The following STAM variants were observed in gnomAD, a reference collection of about 807,000 sequenced individuals.
STAM encodes the protein signal transducing adaptor molecule, also known as signal transducing adapter molecule 1.
In STAM, 16 loss-of-function variants were observed where a neutral mutation model predicts 63.4. The observed-to-expected ratio is 0.25, with a 90% confidence interval of 0.17 to 0.38. STAM has a LOEUF of 0.38. STAM is among the 10% of genes least tolerant of loss of function. STAM has a pLI of 1.00. For synonymous variants in STAM, 238 were observed against 223.9 expected (o/e 1.06, Z -0.56); for missense variants, 636 against 657.1 (o/e 0.97, Z 0.35).
rs146718467 is a variant in STAM, at chr10:17,713,918, C to T, written c.1386-625C>T. Among the ~76,000 whole-genome samples the T allele has an allele frequency of 5.2e-3, 791 of 152,230 alleles. 9 individuals carry two copies. Among genetic ancestry groups the T allele is most frequent in the Non-Finnish European group, 7.9e-3 (534 of 68,016 alleles). The stretch of plus-strand genomic sequence containing the variant: ...GTGTGTTCTCCAGCCCCCTCCCCAC[C>T]ACCGCAGTCCTGCCGGTGATCTTAG... On this transcript the variant is annotated intron_variant, in intron 13 of 13. Transcript: ENST00000377524.
At chr10:17,698,009 T>A (rs1464949648) in intron 8 of STAM, among the ~76,000 whole-genome samples, 1 of 152,162 alleles carries the variant, frequency 6.6e-6, no homozygotes, top group Non-Finnish European at 1.5e-5. Flanking sequence ...ACATACTACA[T>A]ATTTATAGAA....
intron 5 of STAM, among the ~76,000 whole-genome samples, chr10:17,688,562 A>G (rs550563436): frequency 1.3e-5 from 2 of 152,150 alleles, no homozygotes; most frequent in Non-Finnish European, 2.9e-5. Flanking sequence ...TCCTGGGTTC[A>G]GGTGATTCTC....
chr10:17,710,562 TCTTC>T (rs1350864843), intron 13 of STAM, among the ~76,000 whole-genome samples: 1 of 152,258 alleles, frequency 6.6e-6, no homozygotes, highest in African/African-American at 2.4e-5. Flanking sequence ...TACTGGGACA[TCTTC>T]CTTGCTTTTC....
chr10:17,669,012 T>TA lies in STAM; in HGVS notation c.125+8465dup, dbSNP rs200766819. On this transcript the variant is annotated intron_variant, in intron 2 of 13. Transcript: ENST00000377524. ...TGCTAGATCATATGGTAAGACTGTT[T>TA]ATCTTTGTTAGAAGCCACCAGACTG... Among the ~76,000 whole-genome samples, 3 of 152,230 alleles carry TA rather than the reference T, an allele frequency of 2.0e-5. No homozygotes were observed. In the East Asian group the frequency reaches 5.8e-4, roughly 29 times the overall value.
At chr10:17,679,028 A>G (rs558120090) in intron 2 of STAM, among the ~76,000 whole-genome samples, 1 of 152,294 alleles carries the variant, frequency 6.6e-6, no homozygotes, top group East Asian at 1.9e-4. Flanking sequence ...TCGTTGATGG[A>G]CATTTGGCTG....
intron 2 of STAM, among the ~76,000 whole-genome samples, chr10:17,666,295 A>G (rs1055317534): frequency 2.0e-5 from 3 of 152,048 alleles, no homozygotes; most frequent in African/African-American, 7.2e-5. Flanking sequence ...AATGAGAAAG[A>G]TCATATGATA....
At position 17,688,016 on chromosome 10, in the gene STAM, C is replaced by A. The variant is rs1554826277; in HGVS notation, c.298-11C>A. On this transcript the variant is annotated splice_polypyrimidine_tract_variant and intron_variant, in intron 4 of 13. Coordinates refer to ENST00000377524, the MANE Select transcript of STAM (RefSeq NM_003473.4). ...AATTGGTGCTCTTTTATTTCTTTTT[C>A]TATTTTACAGGGTCATCCTAAAGTA... 5 of 1,546,314 alleles carry A rather than the reference C, an allele frequency of 3.2e-6. No individual in the cohort carries two copies. The East Asian group carries it at 1.2e-4, about 36-fold the overall frequency.
intron 7 of STAM, chr10:17,696,025 G>GACCC (rs1835740795): frequency 6.6e-6 from 1 of 152,110 alleles, no homozygotes. Flanking sequence ...GCCCTCTGGG[G>GACCC]TCTCTTTTAT....
chr10:17,669,304 T>C (rs1834528575), intron 2 of STAM, among the ~76,000 whole-genome samples: 1 of 151,964 alleles, frequency 6.6e-6, no homozygotes, highest in Non-Finnish European at 1.5e-5. Flanking sequence ...TGCTACCACA[T>C]GGTTTTAATT....
At chr10:17,673,171 C>G (rs1393087583) in intron 2 of STAM, 3 of 324,170 alleles carry the variant, frequency 9.3e-6, no homozygotes, top group Non-Finnish European at 1.3e-5. Context: ...TGTTTATTGC[C>G]ACCCGTCTCT....
chr10:17,657,623 A>G (rs545028109), intron 1 of STAM, among the ~76,000 whole-genome samples: 1 of 152,300 alleles, frequency 6.6e-6, no homozygotes, highest in African/African-American at 2.4e-5. Context: ...ATTATTAATT[A>G]TTGATTCAGT....
intron 13 of STAM, among the ~76,000 whole-genome samples, chr10:17,711,286 A>C (rs1466683879): frequency 6.6e-6 from 1 of 152,194 alleles, no homozygotes; most frequent in South Asian, 2.1e-4. Context: ...TTCTAAAGCT[A>C]CCTGTAGCGA....
chr10:17,700,218 T>C lies in STAM; in HGVS notation c.851T>C (p.Phe284Ser), dbSNP rs572373866. 2 of 1,609,910 alleles carry C rather than the reference T, an allele frequency of 1.2e-6. No homozygotes were observed. The highest frequency in any genetic ancestry group is 1.7e-6 in the Non-Finnish European group (2 of 1,178,244). Residue 284 changes from phenylalanine to serine, a missense_variant, in exon 9 of 14, where the codon TTT (phenylalanine) becomes TCT (serine). Coordinates refer to ENST00000377524, the MANE Select transcript of STAM (RefSeq NM_003473.4). ...MIKTEKKTVQ[F>S]SDDVQVETIE... is the part of the protein sequence containing the mutation. Reference sequence around the variant, plus strand: ...AAAACAGAGAAGAAGACGGTACAATTTAGTGATGATGTTCAGGTAGAGACA... The same window carrying C: ...AAAACAGAGAAGAAGACGGTACAATCTAGTGATGATGTTCAGGTAGAGACA...
Position 17,684,901 on chromosome 10 carries a change from A to G in STAM, c.271A>G (p.Ser91Gly), listed in dbSNP as rs1267582517. Reference sequence around the variant, plus strand: ...AGAAGTATGTTCAAGAGATTTTGCTAGTGAAGTAAGCAACGTATTAAATAA... The same window carrying G: ...AGAAGTATGTTCAAGAGATTTTGCTGGTGAAGTAAGCAACGTATTAAATAA... ...HLEVCSRDFA[S>G]EVSNVLNKGH... The change falls in exon 4 of 14, where the codon AGT (serine) becomes GGT (glycine). Residue 91 changes from serine (S) to glycine (G), a missense_variant. By Grantham distance (56) the Ser-to-Gly change is moderately conservative. Transcript: ENST00000377524. The G allele has an allele frequency of 6.2e-7, 1 of 1,613,892 alleles. No homozygotes were observed. The highest frequency in any genetic ancestry group is 8.5e-7 in the Non-Finnish European group (1 of 1,179,900).
rs540479532 is a variant in STAM, at chr10:17,700,326, T to G, written c.912+47T>G. ...AGGAGTTGGTACTTTGTATTGAAAT[T>G]TAAATGGTTTTGCTTTAAGAAAAAA... On this transcript the variant is annotated intron_variant, in intron 9 of 13. Coordinates refer to ENST00000377524, the MANE Select transcript of STAM (RefSeq NM_003473.4). 20 of 1,424,700 alleles carry G rather than the reference T, an allele frequency of 1.4e-5. 1 individual carries two copies. The South Asian group carries it at 1.7e-4, about 12-fold the overall frequency. The allele number at this position is 1,424,700 out of a possible 1,614,324, so 88.3% of individuals were successfully genotyped here.
Position 17,714,897 on chromosome 10 carries a change from C to A in STAM, c.*117C>A, listed in dbSNP as rs1836743132. ...GCTTATAGGAATCTCTCCAGGTCAA[C>A]AGGTTCAAATATTCAAGAAGGTAGA... On this transcript the variant is annotated 3_prime_UTR_variant, in exon 14 of 14. Coordinates refer to ENST00000377524, the MANE Select transcript of STAM (RefSeq NM_003473.4). 1 of 1,012,392 alleles carries A rather than the reference C, an allele frequency of 9.9e-7. No individual in the cohort carries two copies. The highest frequency in any genetic ancestry group is 1.9e-5 in the Admixed American group (1 of 52,292). The allele number at this position is 1,012,392 out of a possible 1,614,324, so 62.7% of individuals were successfully genotyped here.
intron 13 of STAM, among the ~76,000 whole-genome samples, chr10:17,712,051 G>C (rs910904646): frequency 6.6e-6 from 1 of 152,234 alleles, no homozygotes; most frequent in Non-Finnish European, 1.5e-5. Context: ...AAGTATTGGT[G>C]AATTGCATGG....
chr10:17,714,803 C>T lies in STAM; in HGVS notation c.*23C>T. On this transcript the variant is annotated 3_prime_UTR_variant, in exon 14 of 14. Transcript: ENST00000377524. ...TAGGACCCGGTGTTCCTCTTGGTGG[C>T]AGATACCTGCTAAATGCCACTGACA... The T allele has an allele frequency of 6.3e-7, 1 of 1,589,498 alleles. No individual in the cohort carries two copies. The highest frequency in any genetic ancestry group is 2.2e-5 in the East Asian group (1 of 44,754).
intron 2 of STAM, among the ~76,000 whole-genome samples, chr10:17,661,465 C>T (rs185557163): frequency 6.6e-6 from 1 of 152,296 alleles, no homozygotes; most frequent in East Asian, 1.9e-4. Flanking sequence ...GGTCTCACAA[C>T]TTCCAGCTGT....
Sources: allele counts gnomAD v4.1 joint callset (sites outside exome capture counted in the v4.1 genomes callset), GRCh38; gene constraint gnomAD v4.1.1; transcripts MANE v1.5; gene names NCBI Gene and HGNC (gene_info 2026-07-23, HGNC 2026-07-21).